The following ECT2 variants were observed in gnomAD, a reference collection of about 807,000 sequenced individuals.
The protein encoded by ECT2 is protein ECT2.
ECT2 carries 61 observed loss-of-function variants against 116.9 expected under a neutral mutation model. That is an observed-to-expected ratio of 0.52 (90% CI 0.42 to 0.65). The LOEUF is 0.65. ECT2 is among the 30% of genes least tolerant of loss of function. The pLI, the probability that ECT2 is intolerant of heterozygous loss-of-function variation, is 0.00. For synonymous variants in ECT2, 358 were observed against 346.4 expected (o/e 1.03, Z -0.37); for missense variants, 937 against 1,078.7 (o/e 0.87, Z 1.84).
intron 18 of ECT2, among the ~76,000 whole-genome samples, chr3:172,790,190 A>G (rs73175006): frequency 6.6e-6 from 1 of 152,176 alleles, no homozygotes; most frequent in Non-Finnish European, 1.5e-5. Context: ...ATGGTCTTAA[A>G]TGGCAACCCA....
intron 20 of ECT2, among the ~76,000 whole-genome samples, chr3:172,804,590 ATTTG>A (rs1417212692): frequency 1.3e-5 from 2 of 152,050 alleles, no homozygotes; most frequent in African/African-American, 2.4e-5. Context: ...TCTGTACTTT[ATTTG>A]TTTGTTTCCA....
intron 18 of ECT2, among the ~76,000 whole-genome samples, chr3:172,796,221 G>C (rs1290707096): frequency 6.6e-6 from 1 of 152,132 alleles, no homozygotes; most frequent in African/African-American, 2.4e-5. Context: ...AGTCAAAGAG[G>C]GTTTATGAAG....
chr3:172,825,173 T>G (rs1730810957), downstream of ECT2, among the ~76,000 whole-genome samples: 2 of 152,140 alleles, frequency 1.3e-5, no homozygotes, highest in Admixed American at 1.3e-4. Flanking sequence ...GATGTTATTA[T>G]TGTAATTGTT....
chr3:172,760,044 A>T lies in ECT2; in HGVS notation c.577-112A>T, dbSNP rs188926498. 4.3e-5 allele frequency: 24 copies of T among 561,908 alleles called. No individual in the cohort carries two copies. The African/African-American group carries it at 4.3e-4, about 10-fold the overall frequency. 34.8% of individuals were successfully genotyped at this position (561,908 alleles called of 1,614,324 possible). A position where few individuals can be genotyped will look rare whatever the true frequency, so the allele number is the denominator to read the frequency against. On this transcript the variant is annotated intron_variant, in intron 6 of 24. Coordinates refer to ENST00000392692, the MANE Select transcript of ECT2 (RefSeq NM_001258315.2). ...TTTAATAGCTTTATAAAAATCCCGT[A>T]TGTATTTTATAAATAGAAAGTATTT...
Position 172,754,521 on chromosome 3 carries a change from A to C in ECT2, c.-10A>C, listed in dbSNP as rs771627114. The C allele has an allele frequency of 4.4e-6, 7 of 1,585,234 alleles. No individual in the cohort carries two copies. In the East Asian group the frequency reaches 1.6e-4, roughly 36 times the overall value. ...TTTATTTTTTCAGCTGATTTAGAAG[A>C]ATACAAATCATGGCTGAAAATAGTG... is the stretch of plus-strand genomic sequence containing the variant. On this transcript the variant is annotated 5_prime_UTR_variant, in exon 2 of 25. Transcript: ENST00000392692.
rs1206824264 is a variant in ECT2, at chr3:172,820,463, CTT to C, written c.*227_*228del. On this transcript the variant is annotated 3_prime_UTR_variant, in exon 25 of 25. Coordinates refer to ENST00000392692, the MANE Select transcript of ECT2 (RefSeq NM_001258315.2). ...ATAGTGATTTTGATGTAATTTATCT[CTT>C]GTTTGAATCTGTCATTCAAAGGCCA... is the stretch of plus-strand genomic sequence containing the variant. The C allele has an allele frequency of 2.2e-5, 7 of 325,498 alleles. No individual in the cohort carries two copies. The highest frequency in any genetic ancestry group is 9.6e-5 in the South Asian group (1 of 10,438). The allele number at this position is 325,498 out of a possible 1,614,324, so 20.2% of individuals were successfully genotyped here. A position where few individuals can be genotyped will look rare whatever the true frequency, so the allele number is the denominator to read the frequency against.
intron 6 of ECT2, 34 bp from the exon 7 acceptor site, chr3:172,760,122 C>A: frequency 6.9e-7 from 1 of 1,452,876 alleles, no homozygotes; most frequent in South Asian, 1.3e-5. Flanking sequence ...TCAAATTAAC[C>A]ATAAAGTCAG....
At chr3:172,811,114 AT>A (rs543777198) in intron 22 of ECT2, among the ~76,000 whole-genome samples, 75 of 152,240 alleles carry the variant, frequency 4.9e-4, no homozygotes, top group Non-Finnish European at 1.0e-3. Flanking sequence ...TTTTACTTTT[AT>A]TTTATTTTAT....
At chr3:172,754,031 AG>A (rs1335778337) in intron 1 of ECT2, among the ~76,000 whole-genome samples, 1 of 152,106 alleles carries the variant, frequency 6.6e-6, no homozygotes, top group Non-Finnish European at 1.5e-5. Flanking sequence ...CGTATAGAGA[AG>A]GGGGGCCAGA....
At chr3:172,784,859 C>G in intron 17 of ECT2, 56 bp downstream of exon 17, 2 of 1,070,648 alleles carry the variant, frequency 1.9e-6, no homozygotes, top group Non-Finnish European at 2.7e-6. Context: ...ATTGTTTTTT[C>G]CAAAAAAGAT....
At chr3:172,802,455 A>G (rs1050124803) in intron 18 of ECT2, among the ~76,000 whole-genome samples, 161 bp from the exon 19 acceptor site, 4 of 152,148 alleles carry the variant, frequency 2.6e-5, no homozygotes, top group African/African-American at 9.7e-5. Flanking sequence ...CTCCATAGGC[A>G]TGGAAACCTT....
chr3:172,773,290 A>T (rs1386326662), intron 13 of ECT2, among the ~76,000 whole-genome samples: 1 of 152,012 alleles, frequency 6.6e-6, no homozygotes, highest in Non-Finnish European at 1.5e-5. Flanking sequence ...TATTTACATT[A>T]TATTTTCCAT....
chr3:172,827,470 T>C, the ECT2 span, among the ~76,000 whole-genome samples: 3 of 152,180 alleles, frequency 2.0e-5, no homozygotes. Context: ...AAAACTCTCA[T>C]TTGCAACCAC....
chr3:172,797,645 A>G (rs886213494), intron 18 of ECT2, among the ~76,000 whole-genome samples: 4 of 152,122 alleles, frequency 2.6e-5, no homozygotes, highest in Non-Finnish European at 5.9e-5. Context: ...CTCAACTTCC[A>G]GGTTATCTAA....
At chr3:172,758,187 T>C (rs1717448658) in intron 5 of ECT2, among the ~76,000 whole-genome samples, 1 of 152,122 alleles carries the variant, frequency 6.6e-6, no homozygotes, top group Non-Finnish European at 1.5e-5. Flanking sequence ...AGCATTTCAA[T>C]ATGAGTCGTA....
At chr3:172,785,000 G>T (rs1321808923) in intron 17 of ECT2, among the ~76,000 whole-genome samples, 197 bp downstream of exon 17, 1 of 152,062 alleles carries the variant, frequency 6.6e-6, no homozygotes, top group Non-Finnish European at 1.5e-5. Flanking sequence ...TATTTTATTT[G>T]TTGATTAGTA....
chr3:172,808,073 T>A, intron 22 of ECT2, 149 bp downstream of exon 22: 1 of 810,640 alleles, frequency 1.2e-6, no homozygotes, highest in East Asian at 2.7e-5. Flanking sequence ...TAAGTTGTTT[T>A]AGAAAATATT....
Position 172,802,383 on chromosome 3 carries a change from G to T in ECT2, c.1908-233G>T, listed in dbSNP as rs139180009. ...CCACCTTGGCCTCCCAAAGTGCTGGGATTACAGGCGCAAGTCACCGCACCT... is the reference window on the plus strand; with the variant it reads ...CCACCTTGGCCTCCCAAAGTGCTGGTATTACAGGCGCAAGTCACCGCACCT... On this transcript the variant is annotated intron_variant, in intron 18 of 24. Transcript: ENST00000392692. 2.2e-3 allele frequency among the ~76,000 whole-genome samples: 332 copies of T among 152,258 alleles called. 15 individuals are homozygous for T. In the East Asian group the frequency reaches 0.058, roughly 27 times the overall value.
intron 18 of ECT2, among the ~76,000 whole-genome samples, chr3:172,792,359 A>G (rs1176406418): frequency 2.6e-5 from 4 of 152,114 alleles, no homozygotes; most frequent in Non-Finnish European, 4.4e-5. Flanking sequence ...AGAAAACACT[A>G]TATGTGAAGC....
Sources: allele counts gnomAD v4.1 joint callset (sites outside exome capture counted in the v4.1 genomes callset), GRCh38; gene constraint gnomAD v4.1.1; transcripts MANE v1.5; gene names NCBI Gene and HGNC (gene_info 2026-07-23, HGNC 2026-07-21).